Variants in EXOC7 observed in about 807,000 individuals in gnomAD.
EXOC7 encodes the protein exocyst complex component Exo70.
In EXOC7, 51 loss-of-function variants were observed where a neutral mutation model predicts 87.6. That is an observed-to-expected ratio of 0.58 (90% CI 0.46 to 0.73). EXOC7 has a LOEUF of 0.73. Ranked by LOEUF, EXOC7 falls within the 30% of genes least tolerant of loss-of-function variation. The probability of loss-of-function intolerance (pLI) is 0.00; values close to 1 mark genes in which losing one functional copy is unlikely to be tolerated. For synonymous variants in EXOC7, 327 were observed against 357.1 expected (o/e 0.92, Z 0.95); for missense variants, 744 against 888.4 (o/e 0.84, Z 2.07).
chr17:76,091,420 A>G, intron 6 of EXOC7, 185 bp from the exon 7 acceptor site: 3 of 587,956 alleles, frequency 5.1e-6, no homozygotes, highest in Non-Finnish European at 6.1e-6. Flanking sequence ...TTCCTTCTCC[A>G]AATGGAGCCT....
chr17:76,085,393 G>A lies in EXOC7; in HGVS notation c.1633C>T (p.Leu545=), dbSNP rs1236792668. The A allele has an allele frequency of 6.2e-7, 1 of 1,610,076 alleles. No homozygotes were observed. Among genetic ancestry groups the A allele is most frequent in the Non-Finnish European group, 8.5e-7 (1 of 1,179,008 alleles). Residue 545 remains leucine, a synonymous_variant, in exon 15 of 19, where the codon CTG becomes TTG. Coordinates refer to ENST00000589210, the MANE Select transcript of EXOC7 (RefSeq NM_001013839.4). ...KSLEKSELIQ[L]VAVTQKTAER... is the part of the protein sequence containing the mutation. Reference sequence around the variant, plus strand: ...GCAGTCTTCTGTGTCACTGCCACCAGCTGGATCAGTTCAGACCTGGGTCGG... The same window carrying A: ...GCAGTCTTCTGTGTCACTGCCACCAACTGGATCAGTTCAGACCTGGGTCGG...
At position 76,082,228 on chromosome 17, in the gene EXOC7, CT is replaced by C; in HGVS notation, c.*1419del. On this transcript the variant is annotated 3_prime_UTR_variant, in exon 19 of 19. Coordinates refer to ENST00000589210, the MANE Select transcript of EXOC7 (RefSeq NM_001013839.4). ...AAACAGGTCTGGGGCAGGGAGCAAGCTGAGCCTCCCTGAAGTCCCAGGTGAC... is the reference window on the plus strand; with the variant it reads ...AAACAGGTCTGGGGCAGGGAGCAAGCGAGCCTCCCTGAAGTCCCAGGTGAC... 1.2e-6 allele frequency: 1 copy of C among 841,184 alleles called. No individual in the cohort carries two copies. The highest frequency in any genetic ancestry group is 1.8e-6 in the Non-Finnish European group (1 of 557,942). The allele number at this position is 841,184 out of a possible 1,614,324, so 52.1% of individuals were successfully genotyped here.
At position 76,103,709 on chromosome 17, in the gene EXOC7, G is replaced by T; in HGVS notation, c.-17C>A. On this transcript the variant is annotated 5_prime_UTR_variant, in exon 1 of 19. Transcript: ENST00000589210. Reference sequence around the variant, plus strand: ...GGGAATCATCGCTCTGAACCCCGCGGCTCCCACTCCCCAGTATCTTTCCTC... The same window carrying T: ...GGGAATCATCGCTCTGAACCCCGCGTCTCCCACTCCCCAGTATCTTTCCTC... The T allele has an allele frequency of 6.3e-7, 1 of 1,598,232 alleles. No individual in the cohort carries two copies. Among genetic ancestry groups the T allele is most frequent in the Non-Finnish European group, 8.5e-7 (1 of 1,173,164 alleles).
At chr17:76,085,837 C>G in intron 13 of EXOC7, 40 bp from the exon 14 acceptor site, 1 of 1,597,446 alleles carries the variant, frequency 6.3e-7, no homozygotes, top group East Asian at 2.2e-5. Flanking sequence ...CCATGGCAGT[C>G]TGACCCAAAC....
At chr17:76,087,863 C>A in intron 11 of EXOC7, 143 bp from the exon 12 acceptor site, 1 of 1,017,224 alleles carries the variant, frequency 9.8e-7, no homozygotes, top group South Asian at 1.4e-5. Flanking sequence ...CATTTTCACT[C>A]TAGCCTGCCA....
At chr17:76,086,788 C>T in intron 12 of EXOC7, 4 of 1,429,048 alleles carry the variant, frequency 2.8e-6, no homozygotes, top group Non-Finnish European at 3.9e-6. Context: ...GAGAGTCAGT[C>T]CCCAGGGAAC....
intron 15 of EXOC7, 60 bp downstream of exon 15, chr17:76,085,254 A>C (rs930014782): frequency 5.2e-6 from 7 of 1,355,816 alleles, no homozygotes; most frequent in African/African-American, 4.3e-5. Context: ...GGTGCTGAGA[A>C]GGAAGAGTGC....
rs1236273719 is a variant in EXOC7 at position 76,082,579 on chromosome 17, T to C, written c.*1069A>G. On this transcript the variant is annotated 3_prime_UTR_variant, in exon 19 of 19. Transcript: ENST00000589210. ...CACCCAATTCGTCTTTGCAGGAATC[T>C]GGATGTGGGCAGCGTGCAAGTCTGA... is the stretch of plus-strand genomic sequence containing the variant. 2.5e-6 allele frequency: 4 copies of C among 1,613,622 alleles called. No homozygotes were observed. In the Admixed American group the frequency reaches 5.0e-5, roughly 20 times the overall value.
chr17:76,097,836 A>T lies in EXOC7; in HGVS notation c.600T>A (p.Ile200=), dbSNP rs772953743. 2 of 1,613,904 alleles carry T rather than the reference A, an allele frequency of 1.2e-6. No homozygotes were observed. Among genetic ancestry groups the T allele is most frequent in the Non-Finnish European group, 1.7e-6 (2 of 1,179,982 alleles). The change falls in exon 5 of 19, where the codon ATT becomes ATA. Residue 200 remains isoleucine (I), a synonymous_variant. Transcript: ENST00000589210. ...HLPESVLQDV[I]RISRWLVEYG... Reference sequence around the variant, plus strand: ...ATTCCACCAGCCAGCGGGAGATGCGAATGACATCCTGGAGCACGCTCTCGG... The same window carrying T: ...ATTCCACCAGCCAGCGGGAGATGCGTATGACATCCTGGAGCACGCTCTCGG...
At position 76,082,230 on chromosome 17, in the gene EXOC7, G is replaced by A; in HGVS notation, c.*1418C>T. The stretch of plus-strand genomic sequence containing the variant: ...ACAGGTCTGGGGCAGGGAGCAAGCT[G>A]AGCCTCCCTGAAGTCCCAGGTGACC... On this transcript the variant is annotated 3_prime_UTR_variant, in exon 19 of 19. Transcript: ENST00000589210. The A allele has an allele frequency of 4.7e-6, 4 of 844,702 alleles. No homozygotes were observed. Among genetic ancestry groups the A allele is most frequent in the Non-Finnish European group, 7.1e-6 (4 of 561,230 alleles). The allele number at this position is 844,702 out of a possible 1,614,324, so 52.3% of individuals were successfully genotyped here.
At chr17:76,090,531 G>A (rs751508530) in intron 7 of EXOC7, 73 of 1,522,868 alleles carry the variant, frequency 4.8e-5, no homozygotes, top group South Asian at 1.2e-4. Flanking sequence ...AGGGGGCATC[G>A]GAGAGGGCCC....
In EXOC7 at chr17:76,088,577, G is replaced by C; in HGVS notation, c.1201-15C>G. On this transcript the variant is annotated splice_polypyrimidine_tract_variant and intron_variant, in intron 9 of 18. Transcript: ENST00000589210. ...GCAGCCGTGCCCTGAGGAAGCACAGGGGAGCCCCCAGCTCACCTCCAGTCG... is the reference window on the plus strand; with the variant it reads ...GCAGCCGTGCCCTGAGGAAGCACAGCGGAGCCCCCAGCTCACCTCCAGTCG... The C allele has an allele frequency of 6.2e-7, 1 of 1,611,494 alleles. No homozygotes were observed. The highest frequency in any genetic ancestry group is 8.5e-7 in the Non-Finnish European group (1 of 1,178,762).
At chr17:76,085,189 TG>T (rs1369119481) in intron 15 of EXOC7, 124 bp downstream of exon 15, 17 of 761,604 alleles carry the variant, frequency 2.2e-5, no homozygotes, top group Non-Finnish European at 3.5e-5. Flanking sequence ...AGAAACCAAG[TG>T]GAGGATTAGG....
At chr17:76,097,444 C>G (rs1301152727) in intron 5 of EXOC7, among the ~76,000 whole-genome samples, 2 of 152,078 alleles carry the variant, frequency 1.3e-5, no homozygotes, top group African/African-American at 2.4e-5. Flanking sequence ...TGGCTCACAT[C>G]TGTAATCCCA....
intron 5 of EXOC7, among the ~76,000 whole-genome samples, chr17:76,096,308 G>A (rs1158777242): frequency 6.6e-6 from 1 of 152,116 alleles, no homozygotes; most frequent in Non-Finnish European, 1.5e-5. Flanking sequence ...GAGGTCAGGA[G>A]TTCAAAACCA....
intron 5 of EXOC7, 73 bp from the exon 6 acceptor site, chr17:76,094,654 C>T: frequency 6.9e-7 from 1 of 1,441,808 alleles, no homozygotes. Context: ...CCATGTCTAC[C>T]TGTCAAACCT....
At chr17:76,086,009 A>G in intron 13 of EXOC7, 71 bp downstream of exon 13, 1 of 1,576,732 alleles carries the variant, frequency 6.3e-7, no homozygotes, top group Non-Finnish European at 8.7e-7. Flanking sequence ...GCCAGAGAGC[A>G]CAGACAGAAG....
Position 76,094,417 on chromosome 17 carries a change from G to A in EXOC7, c.805C>T (p.Pro269Ser). ...DTPTKKPVKR[P>S]GTIRKAQNLL... is the part of the protein sequence containing the mutation. ...ATGGGCCAGGATGGGGGCTCACCTGGCCGCTTGACTGGCTTCTTGGTAGGT... is the reference window on the plus strand; with the variant it reads ...ATGGGCCAGGATGGGGGCTCACCTGACCGCTTGACTGGCTTCTTGGTAGGT... Residue 269 changes from proline (P) to serine (S), a missense_variant, in exon 6 of 19, where the codon CCA (proline) becomes TCA (serine). Pro to Ser is a moderately conservative substitution (Grantham distance 74). Coordinates refer to ENST00000589210, the MANE Select transcript of EXOC7 (RefSeq NM_001013839.4). 1.2e-6 allele frequency: 2 copies of A among 1,612,496 alleles called. No homozygotes were observed. The highest frequency in any genetic ancestry group is 2.2e-5 in the South Asian group (2 of 90,886).
Position 76,081,154 on chromosome 17 carries a change from C to T in EXOC7, c.*2494G>A. The T allele has an allele frequency of 7.1e-7, 1 of 1,399,548 alleles. No individual in the cohort carries two copies. Among genetic ancestry groups the T allele is most frequent in the Non-Finnish European group, 9.8e-7 (1 of 1,025,376 alleles). The allele number at this position is 1,399,548 out of a possible 1,614,324, so 86.7% of individuals were successfully genotyped here. A position where few individuals can be genotyped will look rare whatever the true frequency, so the allele number is the denominator to read the frequency against. Reference sequence around the variant, plus strand: ...CCCTTCTATGGATCGGTTTTGTGTCCAAGTCTGTCCCTGCCAAAAGCCATC... The same window carrying T: ...CCCTTCTATGGATCGGTTTTGTGTCTAAGTCTGTCCCTGCCAAAAGCCATC... On this transcript the variant is annotated 3_prime_UTR_variant, in exon 19 of 19. Transcript: ENST00000589210.
Sources: gnomAD v4.1 joint callset for allele counts (sites outside exome capture counted in the v4.1 genomes callset) on GRCh38, gnomAD v4.1.1 for gene constraint, MANE v1.5 for transcripts, NCBI Gene and HGNC (gene_info 2026-07-23, HGNC 2026-07-21) for gene names.